Variants in THRB observed in about 807,000 individuals in gnomAD.
THRB encodes nuclear receptor subfamily 1 group A member 2.
THRB carries 12 observed loss-of-function variants against 47.8 expected under a neutral mutation model. The ratio of observed to expected loss-of-function variants is 0.25; its 90% CI spans 0.16 to 0.41. The LOEUF (loss-of-function observed/expected upper bound fraction) is 0.41, where lower values mean the gene tolerates loss of function less well. THRB is among the 10% of genes least tolerant of loss of function. The pLI is 1.00. For missense variants in THRB, 348 were observed against 589.2 expected (o/e 0.59, Z 4.24); for synonymous variants, 218 against 212.2 (o/e 1.03, Z -0.24).
chr3:24,483,770 G>C (rs1455604108), intron 1 of THRB, among the ~76,000 whole-genome samples: 2 of 152,206 alleles, frequency 1.3e-5, no homozygotes, highest in Non-Finnish European at 2.9e-5. Context: ...AAAAATAGTA[G>C]CATAGTGTAG....
At chr3:24,456,023 C>T (rs987974731) in intron 1 of THRB, among the ~76,000 whole-genome samples, 2 of 152,130 alleles carry the variant, frequency 1.3e-5, no homozygotes, top group Non-Finnish European at 2.9e-5. Context: ...CTTTTAGATT[C>T]CCAAAGAATT....
At chr3:24,374,860 T>C (rs2065160817) in intron 1 of THRB, among the ~76,000 whole-genome samples, 1 of 152,062 alleles carries the variant, frequency 6.6e-6, no homozygotes. Flanking sequence ...AAATCCTTAC[T>C]AAAAAATGCA....
chr3:24,244,298 G>T (rs982620561), intron 3 of THRB, among the ~76,000 whole-genome samples: 8 of 152,148 alleles, frequency 5.3e-5, no homozygotes, highest in African/African-American at 1.9e-4. Context: ...CCTAACTGAA[G>T]CATCATACAG....
intron 3 of THRB, among the ~76,000 whole-genome samples, chr3:24,258,817 C>T (rs1439980333): frequency 6.6e-5 from 10 of 152,122 alleles, no homozygotes; most frequent in Non-Finnish European, 1.3e-4. Flanking sequence ...AGAACTAGAA[C>T]GAGGTTACCA....
chr3:24,411,432 T>C (rs1326379143), intron 1 of THRB, among the ~76,000 whole-genome samples: 2 of 151,880 alleles, frequency 1.3e-5, no homozygotes, highest in East Asian at 3.9e-4. Context: ...GTCACTGTTC[T>C]TACTATGGTC....
chr3:24,306,405 G>A (rs1348832203), intron 2 of THRB, among the ~76,000 whole-genome samples: 2 of 152,208 alleles, frequency 1.3e-5, no homozygotes, highest in Non-Finnish European at 2.9e-5. Context: ...GTTCCTCACA[G>A]TGAGATGCAG....
intron 5 of THRB, among the ~76,000 whole-genome samples, chr3:24,157,644 C>T (rs1038870049): frequency 6.6e-6 from 1 of 152,192 alleles, no homozygotes; most frequent in Non-Finnish European, 1.5e-5. Context: ...GTCCTCCCAG[C>T]TCAGCTTCCT....
intron 3 of THRB, among the ~76,000 whole-genome samples, chr3:24,278,044 G>A (rs2054120671): frequency 6.6e-6 from 1 of 152,184 alleles, no homozygotes; most frequent in Non-Finnish European, 1.5e-5. Flanking sequence ...CTAATCTGAT[G>A]AAGGGCTTGG....
chr3:24,401,180 C>G (rs993682431), intron 1 of THRB, among the ~76,000 whole-genome samples: 1 of 151,978 alleles, frequency 6.6e-6, no homozygotes, highest in African/African-American at 2.4e-5. Flanking sequence ...GATTAATGCA[C>G]TAGGTTGAGA....
rs2072094085 is a variant in THRB, at chr3:24,446,547, GA to G, written c.-261+48104del. ...GTCATTCCATACACTATCTACATTGGAAAGATCTTTCTCAAAAAAAAAAAAA... is the reference window on the plus strand; with the variant it reads ...GTCATTCCATACACTATCTACATTGGAAGATCTTTCTCAAAAAAAAAAAAA... On this transcript the variant is annotated intron_variant, in intron 1 of 10. Transcript: ENST00000646209. 2.3e-5 allele frequency among the ~76,000 whole-genome samples: 3 copies of G among 130,274 alleles called. No homozygotes were observed. In the South Asian group the frequency reaches 7.5e-4, roughly 33 times the overall value. The allele number at this position is 130,274 out of a possible 152,430, so 85.5% of individuals were successfully genotyped here.
intron 3 of THRB, among the ~76,000 whole-genome samples, chr3:24,266,861 C>A (rs2052713315): frequency 6.6e-6 from 1 of 151,022 alleles, no homozygotes; most frequent in African/African-American, 2.4e-5. Context: ...ATAACATGAA[C>A]CTATGGATGG....
intron 1 of THRB, among the ~76,000 whole-genome samples, chr3:24,480,046 G>A (rs1161607039): frequency 6.6e-6 from 1 of 152,176 alleles, no homozygotes; most frequent in Admixed American, 6.5e-5. Flanking sequence ...GTGTGACTAA[G>A]CTCCAGGTGC....
intron 3 of THRB, among the ~76,000 whole-genome samples, chr3:24,295,257 A>G (rs1387696626): frequency 6.6e-6 from 1 of 152,242 alleles, no homozygotes; most frequent in Non-Finnish European, 1.5e-5. Flanking sequence ...ATTAATATCT[A>G]AAGATGGTAA....
At chr3:24,222,113 G>A in intron 4 of THRB, among the ~76,000 whole-genome samples, 2 of 152,160 alleles carry the variant, frequency 1.3e-5, no homozygotes, top group East Asian at 3.8e-4. Context: ...TCTTCCTGGT[G>A]GTCTCTTGAT....
At chr3:24,128,037 A>G (rs1441176652) in intron 9 of THRB, among the ~76,000 whole-genome samples, 4 of 152,186 alleles carry the variant, frequency 2.6e-5, no homozygotes, top group Non-Finnish European at 5.9e-5. Flanking sequence ...TCGTGTGTGA[A>G]ACTGTGCTAA....
chr3:24,422,870 C>T (rs1004865587), intron 1 of THRB, among the ~76,000 whole-genome samples: 1 of 151,894 alleles, frequency 6.6e-6, no homozygotes, highest in Admixed American at 6.6e-5. Flanking sequence ...TATTTCTCCT[C>T]CCTTTTAAAT....
At chr3:24,444,464 C>A (rs2071864230) in intron 1 of THRB, among the ~76,000 whole-genome samples, 1 of 151,526 alleles carries the variant, frequency 6.6e-6, no homozygotes, top group Admixed American at 6.6e-5. Context: ...GAATGCAGGA[C>A]CTCTACAAAT....
intron 3 of THRB, among the ~76,000 whole-genome samples, chr3:24,254,874 T>A (rs569028052): frequency 2.0e-5 from 3 of 152,254 alleles, no homozygotes; most frequent in Non-Finnish European, 4.4e-5. Context: ...TAGAATCACA[T>A]TGAGGAAGAA....
intron 1 of THRB, among the ~76,000 whole-genome samples, chr3:24,381,955 T>C (rs528125664): frequency 2.0e-5 from 3 of 151,632 alleles, no homozygotes; most frequent in South Asian, 4.2e-4. Context: ...AGCAACTATG[T>C]AAAGATTTTT....
Sources: allele counts gnomAD v4.1 joint callset (sites outside exome capture counted in the v4.1 genomes callset), GRCh38; gene constraint gnomAD v4.1.1; transcripts MANE v1.5; gene names NCBI Gene and HGNC (gene_info 2026-07-23, HGNC 2026-07-21).